The following SUMF1 variants were observed in gnomAD, a reference collection of about 807,000 sequenced individuals.
SUMF1 encodes sulfatase modifying factor 1, also known as formylglycine-generating enzyme.
A neutral mutation model predicts 47.6 loss-of-function variants in SUMF1; 48 were observed. That is an observed-to-expected ratio of 1.01 (90% confidence interval 0.80 to 1.28). The LOEUF is 1.28. SUMF1 is among the 50% of genes most tolerant of loss of function. SUMF1 has a pLI of 0.00. For synonymous variants in SUMF1, 230 were observed against 192.1 expected, an observed-to-expected ratio of 1.20 and a Z score of -1.63; for missense variants, 571 against 485.4, an observed-to-expected ratio of 1.18 and a Z score of -1.66.
intron 5 of SUMF1, among the ~76,000 whole-genome samples, chr3:4,417,761 G>A (rs972238293): frequency 1.3e-5 from 2 of 152,210 alleles, no homozygotes; most frequent in Non-Finnish European, 2.9e-5. Flanking sequence ...GTAACTCAAG[G>A]GGGTTGAATT....
At chr3:4,296,785 T>C (rs1480905236) in intron 8 of SUMF1, among the ~76,000 whole-genome samples, 1 of 152,120 alleles carries the variant, frequency 6.6e-6, no homozygotes, top group African/African-American at 2.4e-5. Context: ...ATGATAATAA[T>C]GGTAATAATA....
At chr3:4,419,440 G>A (rs1348883331) in intron 4 of SUMF1, among the ~76,000 whole-genome samples, 2 of 152,188 alleles carry the variant, frequency 1.3e-5, no homozygotes, top group Admixed American at 6.5e-5. Context: ...AGGAGAGCAG[G>A]TTTCTTGGGC....
At chr3:4,362,666 A>C (rs2125177626) in intron 8 of SUMF1, among the ~76,000 whole-genome samples, 1 of 152,328 alleles carries the variant, frequency 6.6e-6, no homozygotes, top group East Asian at 1.9e-4. Context: ...TCACACCTGT[A>C]ATCCCAACAT....
At chr3:4,085,330 A>C (rs1350769353) in intron 8 of SUMF1, among the ~76,000 whole-genome samples, 2 of 152,034 alleles carry the variant, frequency 1.3e-5, no homozygotes, top group Non-Finnish European at 2.9e-5. Flanking sequence ...GGATGTGAAG[A>C]GCCTAGAGTT....
intron 7 of SUMF1, among the ~76,000 whole-genome samples, chr3:4,384,077 A>G (rs1051479141): frequency 2.1e-5 from 3 of 143,376 alleles, no homozygotes; most frequent in Admixed American, 6.9e-5. Flanking sequence ...TTTTCTACTT[A>G]CCTATTTACC....
chr3:4,270,967 A>C (rs1697290526), intron 8 of SUMF1, among the ~76,000 whole-genome samples: 1 of 152,244 alleles, frequency 6.6e-6, no homozygotes, highest in African/African-American at 2.4e-5. Flanking sequence ...CTATTTGTGA[A>C]GGCAACAAAG....
chr3:4,444,783 A>G (rs954425309), intron 3 of SUMF1, among the ~76,000 whole-genome samples: 2 of 152,258 alleles, frequency 1.3e-5, no homozygotes, highest in Non-Finnish European at 2.9e-5. Flanking sequence ...TGTCCACTGC[A>G]GAGGCCTAGA....
chr3:4,206,537 C>T (rs1266875965), intron 8 of SUMF1, among the ~76,000 whole-genome samples: 1 of 152,142 alleles, frequency 6.6e-6, no homozygotes, highest in African/African-American at 2.4e-5. Flanking sequence ...CTCTCCCAAA[C>T]ACAGATTCTT....
intron 8 of SUMF1, among the ~76,000 whole-genome samples, chr3:4,362,897 G>C (rs1041677952): frequency 2.6e-5 from 4 of 151,866 alleles, no homozygotes; most frequent in Admixed American, 2.6e-4. Context: ...CTGGGTGACA[G>C]AGCAAGATCT....
chr3:4,455,443 C>A (rs1209707694), intron 1 of SUMF1, among the ~76,000 whole-genome samples: 1 of 152,190 alleles, frequency 6.6e-6, no homozygotes, highest in Non-Finnish European at 1.5e-5. Flanking sequence ...TGGCCAGGTG[C>A]AGTGGCTCAC....
intron 3 of SUMF1, among the ~76,000 whole-genome samples, chr3:4,423,279 TACACACACACACACAC>T (rs56729932): frequency 8.8e-5 from 13 of 147,224 alleles, no homozygotes; most frequent in Middle Eastern, 3.5e-3. Context: ...GAAACTGTGA[TACACACACACACACAC>T]ACACACACAC....
chr3:4,196,116 T>A (rs1574968958), intron 8 of SUMF1, among the ~76,000 whole-genome samples: 1 of 152,250 alleles, frequency 6.6e-6, no homozygotes, highest in East Asian at 1.9e-4. Context: ...ACTTAAATAT[T>A]AGTAACTTAT....
At chr3:4,051,597 A>C (rs774170017) in intron 9 of SUMF1, among the ~76,000 whole-genome samples, 1 of 152,178 alleles carries the variant, frequency 6.6e-6, no homozygotes, top group African/African-American at 2.4e-5. Context: ...TACCATGTAA[A>C]TGCCTAAGAG....
intron 8 of SUMF1, among the ~76,000 whole-genome samples, chr3:4,289,159 T>C (rs745747528): frequency 2.6e-5 from 4 of 152,014 alleles, no homozygotes; most frequent in Non-Finnish European, 5.9e-5. Flanking sequence ...TTCGGGAAAA[T>C]GGGGAAGATA....
intron 8 of SUMF1, among the ~76,000 whole-genome samples, chr3:4,301,908 T>C (rs2125064875): frequency 6.6e-6 from 1 of 151,892 alleles, no homozygotes; most frequent in East Asian, 1.9e-4. Flanking sequence ...GCCATGGGAG[T>C]GGATGTTATT....
intron 8 of SUMF1, among the ~76,000 whole-genome samples, chr3:4,374,944 C>T (rs984681399): frequency 1.3e-5 from 2 of 151,958 alleles, no homozygotes; most frequent in African/African-American, 4.8e-5. Flanking sequence ...GGAAGAATTT[C>T]CTGAGCCCAA....
intron 8 of SUMF1, among the ~76,000 whole-genome samples, chr3:4,241,507 T>C (rs935252528): frequency 1.3e-5 from 2 of 152,180 alleles, no homozygotes; most frequent in Non-Finnish European, 2.9e-5. Flanking sequence ...CTGTTCATAA[T>C]ACCAGCTGTG....
intron 2 of SUMF1, among the ~76,000 whole-genome samples, chr3:4,450,353 T>G (rs907740217): frequency 1.6e-4 from 25 of 152,334 alleles, no homozygotes; most frequent in African/African-American, 6.0e-4. Flanking sequence ...TGCTGTCCTG[T>G]TCTTACTAGA....
chr3:4,134,831 A>C (rs1693884693), intron 8 of SUMF1, among the ~76,000 whole-genome samples: 1 of 152,172 alleles, frequency 6.6e-6, no homozygotes, highest in African/African-American at 2.4e-5. Context: ...CCATCAGAGA[A>C]TACTATAAAC....
Sources: allele counts gnomAD v4.1 joint callset (sites outside exome capture counted in the v4.1 genomes callset), GRCh38; gene constraint gnomAD v4.1.1; transcripts MANE v1.5; gene names NCBI Gene and HGNC (gene_info 2026-07-23, HGNC 2026-07-21).